ZNF276: variants seen among roughly 807,000 people sequenced by gnomAD.
ZNF276 encodes centromere protein Z.
A neutral mutation model predicts 63.9 loss-of-function variants in ZNF276; 59 were observed. That is an observed-to-expected ratio of 0.92 (90% CI 0.75 to 1.15). The LOEUF is 1.15. Ranked by LOEUF, ZNF276 falls within the 50% of genes most tolerant of loss-of-function variation. The probability of loss-of-function intolerance (pLI) is 0.00; values close to 1 mark genes in which losing one functional copy is unlikely to be tolerated. For missense variants in ZNF276, 1,084 were observed against 843.8 expected (o/e 1.28, Z -3.53); for synonymous variants, 496 against 348.4 (o/e 1.42, Z -4.72).
chr16:89,724,849 CTTCT>C (rs1383502737), intron 4 of ZNF276, among the ~76,000 whole-genome samples: 1 of 152,072 alleles, frequency 6.6e-6, no homozygotes, highest in Non-Finnish European at 1.5e-5. Context: ...TATCTTCCTA[CTTCT>C]TTGTCTCTCT....
At chr16:89,736,807 A>G (rs547531592) in intron 9 of ZNF276, among the ~76,000 whole-genome samples, 21 of 151,682 alleles carry the variant, frequency 1.4e-4, no homozygotes, top group Admixed American at 1.1e-3. Context: ...AAAAAAAAAA[A>G]AAAAAAAGAA....
intron 2 of ZNF276, 143 bp downstream of exon 2, chr16:89,722,977 G>C: frequency 6.4e-7 from 1 of 1,567,026 alleles, no homozygotes; most frequent in Admixed American, 1.8e-5. Flanking sequence ...AACAGCCCTG[G>C]GACTGTTGTG....
rs1033321028 is a variant in ZNF276 at position 89,739,841 on chromosome 16, T to C, written c.*1595T>C. 1 of 1,500,188 alleles carries C rather than the reference T, an allele frequency of 6.7e-7. No homozygotes were observed. Among genetic ancestry groups the C allele is most frequent in the African/African-American group, 1.4e-5 (1 of 72,090 alleles). The allele number at this position is 1,500,188 out of a possible 1,614,324, so 92.9% of individuals were successfully genotyped here. Reference sequence around the variant, plus strand: ...GAGCCAGTAAATTATCTTATTGCTTTAAACAAGTTTGTGCTTAATCTGTCC... The same window carrying C: ...GAGCCAGTAAATTATCTTATTGCTTCAAACAAGTTTGTGCTTAATCTGTCC... On this transcript the variant is annotated 3_prime_UTR_variant, in exon 11 of 11. Coordinates refer to ENST00000443381, the MANE Select transcript of ZNF276 (RefSeq NM_001113525.2).
upstream of ZNF276, chr16:89,720,578 C>G: frequency 8.2e-7 from 1 of 1,218,800 alleles, no homozygotes. Flanking sequence ...TCTGAGCTGT[C>G]CAAGGTCACT....
rs371802865 is a variant in ZNF276, at chr16:89,733,471, C to T, written c.1281-11C>T. On this transcript the variant is annotated splice_polypyrimidine_tract_variant and intron_variant, in intron 7 of 10. Transcript: ENST00000443381. The stretch of plus-strand genomic sequence containing the variant: ...TCGGGGCCGGGGCTCCATGCATGCT[C>T]TTCATTGCAGGGAGGAGCTTCCCAC... 209 of 1,614,060 alleles carry T rather than the reference C, an allele frequency of 1.3e-4. No homozygotes were observed. Among genetic ancestry groups the T allele is most frequent in the Non-Finnish European group, 1.7e-4 (204 of 1,180,036 alleles).
Position 89,722,815 on chromosome 16 carries a change from C to CCA in ZNF276, c.490_491insCA (p.Arg164ProfsTer26), listed in dbSNP as rs1484462201. 6.2e-7 allele frequency: 1 copy of CCA among 1,603,482 alleles called. No individual in the cohort carries two copies. The highest frequency in any genetic ancestry group is 1.3e-5 in the African/African-American group (1 of 74,924). ...GAGGGTCAACGCCTCCCCGGCTGGT[C>CCA]GCCGGAAGCCTTGTGCAAAGTACGC... On this transcript the variant is annotated frameshift_variant, in exon 2 of 11. Coordinates refer to ENST00000443381, the MANE Select transcript of ZNF276 (RefSeq NM_001113525.2). LOFTEE classifies it high-confidence loss of function.
upstream of ZNF276, chr16:89,721,345 C>T (rs1237448158): frequency 2.9e-5 from 9 of 311,948 alleles, no homozygotes; most frequent in Non-Finnish European, 5.8e-6. Flanking sequence ...CGAGCCCCTC[C>T]GCCCACCGCC....
At chr16:89,735,749 T>G (rs1419383430) in intron 9 of ZNF276, among the ~76,000 whole-genome samples, 2 of 152,148 alleles carry the variant, frequency 1.3e-5, no homozygotes, top group South Asian at 4.1e-4. Flanking sequence ...AGTCTCACTC[T>G]TATCACCATG....
chr16:89,727,347 C>T lies in ZNF276; in HGVS notation c.1075C>T (p.Leu359Phe), dbSNP rs1462209521. ...DDRVKDEFSD[L>F]SEGDVLSEDE... Reference sequence around the variant, plus strand: ...TCGGGTAAAAGACGAGTTCAGTGACCTTTCTGAGGGGTGAGAGAAGAGTGG... The same window carrying T: ...TCGGGTAAAAGACGAGTTCAGTGACTTTTCTGAGGGGTGAGAGAAGAGTGG... The change falls in exon 5 of 11, where the codon CTT (leucine) becomes TTT (phenylalanine). Residue 359 changes from leucine (L) to phenylalanine (F), a missense_variant. Leu to Phe is a conservative substitution (Grantham distance 22, BLOSUM62 0). Coordinates refer to ENST00000443381, the MANE Select transcript of ZNF276 (RefSeq NM_001113525.2). The T allele has an allele frequency of 1.2e-6, 2 of 1,614,052 alleles. No individual in the cohort carries two copies. The highest frequency in any genetic ancestry group is 1.7e-5 in the Admixed American group (1 of 60,006).
rs1014447679 is a variant in ZNF276, at chr16:89,739,471, G to A, written c.*1225G>A. 2 of 1,551,560 alleles carry A rather than the reference G, an allele frequency of 1.3e-6. No individual in the cohort carries two copies. Among genetic ancestry groups the A allele is most frequent in the Non-Finnish European group, 1.7e-6 (2 of 1,147,530 alleles). ...CCAGCCCTGACCAGCCCTGTGGGTGGAGGTACCTGTAAAAAGCGAAAGGCA... is the reference window on the plus strand; with the variant it reads ...CCAGCCCTGACCAGCCCTGTGGGTGAAGGTACCTGTAAAAAGCGAAAGGCA... On this transcript the variant is annotated 3_prime_UTR_variant, in exon 11 of 11. Transcript: ENST00000443381.
intron 2 of ZNF276, 124 bp from the exon 3 acceptor site, chr16:89,723,013 G>T (rs1021776371): frequency 6.3e-7 from 1 of 1,596,386 alleles, no homozygotes; most frequent in Non-Finnish European, 8.5e-7. Flanking sequence ...AGGAGCTGGG[G>T]TGAGGGAAGA....
chr16:89,721,724 C>A lies in ZNF276; in HGVS notation c.84C>A (p.Ser28Arg). The change falls in exon 1 of 11, where the codon AGC becomes AGA. Residue 28 changes from serine to arginine, a missense_variant. Physicochemically the swap from Ser to Arg is moderately radical, Grantham distance 110 (BLOSUM62 -1). Transcript: ENST00000443381. ...CCTCGGACGGCGGCGGCGGCGTCAG[C>A]CGGACTCGGGGCCGCCCTTCCCTTA... is the stretch of plus-strand genomic sequence containing the variant. ...CGASDGGGGV[S>R]RTRGRPSLSG... 7.4e-7 allele frequency: 1 copy of A among 1,356,358 alleles called. No individual in the cohort carries two copies. The highest frequency in any genetic ancestry group is 9.5e-7 in the Non-Finnish European group (1 of 1,055,754). 84.0% of individuals were successfully genotyped at this position (1,356,358 alleles called of 1,614,324 possible).
At chr16:89,727,228 A>T in intron 4 of ZNF276, 51 bp from the exon 5 acceptor site, 1 of 1,572,956 alleles carries the variant, frequency 6.4e-7, no homozygotes, top group Non-Finnish European at 8.7e-7. Context: ...TGCAGGTGAG[A>T]CCTTTCTGTG....
Position 89,738,291 on chromosome 16 carries a change from G to A in ZNF276, c.*45G>A, listed in dbSNP as rs1378053079. 1 of 1,546,188 alleles carries A rather than the reference G, an allele frequency of 6.5e-7. No homozygotes were observed. Among genetic ancestry groups the A allele is most frequent in the African/African-American group, 1.4e-5 (1 of 73,204 alleles). On this transcript the variant is annotated 3_prime_UTR_variant, in exon 11 of 11. Coordinates refer to ENST00000443381, the MANE Select transcript of ZNF276 (RefSeq NM_001113525.2). ...CACCTCTAGCAGCCTGGACTCCGCA[G>A]TGGCTGTGTCAGCCTCACCCTTCGT...
At chr16:89,727,691 G>C (rs911348166) in intron 5 of ZNF276, among the ~76,000 whole-genome samples, 4 of 152,212 alleles carry the variant, frequency 2.6e-5, no homozygotes, top group African/African-American at 9.6e-5. Context: ...GAGCCTGATA[G>C]GGTTTCTGAC....
upstream of ZNF276, chr16:89,720,770 CG>C: frequency 6.9e-7 from 1 of 1,451,746 alleles, no homozygotes; most frequent in Non-Finnish European, 9.1e-7. Flanking sequence ...CACCCGGGGC[CG>C]GTTGCCGGTG....
Position 89,734,051 on chromosome 16 carries a change from CCAGT to C in ZNF276, c.1474+14_1474+17del, listed in dbSNP as rs781684546. On this transcript the variant is annotated intron_variant, in intron 9 of 10. Transcript: ENST00000443381. ...CTCATCCACACAGGTACGCCTATCG[CCAGT>C]GTCGCCCACGCGGGTGACAGCCAGG... 1.2e-6 allele frequency: 2 copies of C among 1,611,276 alleles called. No individual in the cohort carries two copies. The highest frequency in any genetic ancestry group is 1.7e-5 in the Admixed American group (1 of 59,986).
In ZNF276 at chr16:89,722,581, T is replaced by G. The variant is rs769497552; in HGVS notation, c.256T>G (p.Phe86Val). ...MGHCRLCHGK[F>V]SSRSLRSISE... ...TCACTGTCGCCTCTGCCACGGGAAG[T>G]TTTCCTCGAGAAGCCTGCGCAGCAT... The change falls in exon 2 of 11, where the codon TTT (phenylalanine) becomes GTT (valine). Residue 86 changes from phenylalanine (F) to valine (V), a missense_variant. Phe to Val is a conservative substitution (Grantham distance 50). Transcript: ENST00000443381. 12 of 1,612,198 alleles carry G rather than the reference T, an allele frequency of 7.4e-6. No homozygotes were observed. The highest frequency in any genetic ancestry group is 2.5e-6 in the Non-Finnish European group (3 of 1,179,946).
chr16:89,729,334 G>A lies in ZNF276; in HGVS notation c.1169+16G>A, dbSNP rs201940108. 5.4e-4 allele frequency: 868 copies of A among 1,612,850 alleles called. 4 individuals carry two copies. The African/African-American group carries it at 9.0e-3, about 17-fold the overall frequency. ...CAGAAAGGAAGTAAGTGGGCAGCCCGGGGTCTGCTGGAGGCATCCGTTGGG... is the reference window on the plus strand; with the variant it reads ...CAGAAAGGAAGTAAGTGGGCAGCCCAGGGTCTGCTGGAGGCATCCGTTGGG... On this transcript the variant is annotated intron_variant, in intron 6 of 10. Transcript: ENST00000443381.
Sources: gnomAD v4.1 joint callset for allele counts (sites outside exome capture counted in the v4.1 genomes callset) on GRCh38, gnomAD v4.1.1 for gene constraint, MANE v1.5 for transcripts, NCBI Gene and HGNC (gene_info 2026-07-23, HGNC 2026-07-21) for gene names.